Variants in NTM observed in about 807,000 individuals in gnomAD.
NTM encodes the protein IgLON family member 2.
NTM carries 13 observed loss-of-function variants against 42.1 expected under a neutral mutation model. The ratio of observed to expected loss-of-function variants is 0.31; its 90% CI spans 0.20 to 0.49. The LOEUF (loss-of-function observed/expected upper bound fraction) is 0.49. Ranked by LOEUF, NTM falls within the 20% of genes least tolerant of loss-of-function variation. The pLI is 0.99. For missense variants in NTM, 373 were observed against 452.8 expected (o/e 0.82, Z 1.60); for synonymous variants, 187 against 179.2 (o/e 1.04, Z -0.35).
chr11:131,611,508 G>T (rs1231959118), intron 1 of NTM, among the ~76,000 whole-genome samples: 1 of 152,176 alleles, frequency 6.6e-6, no homozygotes, highest in African/African-American at 2.4e-5. Context: ...ATTGCTCTGG[G>T]ACTGAGAGAA....
chr11:132,077,759 A>G (rs187406251), intron 2 of NTM, among the ~76,000 whole-genome samples: 1 of 152,284 alleles, frequency 6.6e-6, no homozygotes, highest in Non-Finnish European at 1.5e-5. Context: ...CAAACAAGCA[A>G]CAAGAACAAA....
At position 131,509,280 on chromosome 11, in the gene NTM, T is replaced by G. The variant is rs417906; in HGVS notation, c.82+138392T>G. 2.0e-5 allele frequency among the ~76,000 whole-genome samples: 3 copies of G among 151,910 alleles called. No homozygotes were observed. The Middle Eastern group carries it at 0.01, about 517-fold the overall frequency. The stretch of plus-strand genomic sequence containing the variant: ...GGCTAGAGGTTTCCCCAAAGACCAC[T>G]TGGTTTTGGTGCCACTCTGCATGGG... On this transcript the variant is annotated intron_variant, in intron 1 of 8. Transcript: ENST00000683400.
intron 1 of NTM, among the ~76,000 whole-genome samples, chr11:131,728,949 A>G (rs943576588): frequency 8.5e-5 from 13 of 152,208 alleles, no homozygotes; most frequent in Non-Finnish European, 1.8e-4. Context: ...ACAGGGTTGA[A>G]GACCAAATAT....
chr11:132,312,015 C>T (rs1211066292), intron 6 of NTM, among the ~76,000 whole-genome samples: 3 of 152,120 alleles, frequency 2.0e-5, no homozygotes, highest in Non-Finnish European at 4.4e-5. Context: ...CCTTTTCTCC[C>T]CTTTCCATTT....
intron 1 of NTM, among the ~76,000 whole-genome samples, chr11:131,754,440 C>A (rs1158043920): frequency 2.0e-5 from 3 of 152,088 alleles, no homozygotes; most frequent in Non-Finnish European, 4.4e-5. Context: ...GCCTGGCCAA[C>A]ATGGCGAAAC....
chr11:131,640,106 A>C (rs1372172453), intron 1 of NTM, among the ~76,000 whole-genome samples: 1 of 152,178 alleles, frequency 6.6e-6, no homozygotes, highest in Non-Finnish European at 1.5e-5. Flanking sequence ...TCCAATTCTG[A>C]GAACGTCTTT....
chr11:131,918,239 T>C (rs1487003017), intron 2 of NTM, among the ~76,000 whole-genome samples: 1 of 152,166 alleles, frequency 6.6e-6, no homozygotes, highest in Non-Finnish European at 1.5e-5. Flanking sequence ...CTATGCATGC[T>C]GAAGGAAAGG....
At chr11:131,582,653 T>C (rs1382546023) in intron 1 of NTM, among the ~76,000 whole-genome samples, 6 of 152,178 alleles carry the variant, frequency 3.9e-5, no homozygotes, top group Non-Finnish European at 7.3e-5. Context: ...AATGGATGCC[T>C]TCAAAACACT....
intron 1 of NTM, among the ~76,000 whole-genome samples, chr11:131,631,061 T>G (rs571162781): frequency 6.6e-6 from 1 of 152,264 alleles, no homozygotes; most frequent in Non-Finnish European, 1.5e-5. Flanking sequence ...ATCAAATAAC[T>G]GAGGAAGTAC....
chr11:131,839,217 C>T (rs1036030081), intron 1 of NTM, among the ~76,000 whole-genome samples: 1 of 152,118 alleles, frequency 6.6e-6, no homozygotes, highest in Non-Finnish European at 1.5e-5. Flanking sequence ...CCGCCTCGGC[C>T]TCCCAAAGTG....
At chr11:132,315,823 G>A (rs186224500) in intron 7 of NTM, among the ~76,000 whole-genome samples, 19 of 152,222 alleles carry the variant, frequency 1.2e-4, no homozygotes, top group South Asian at 4.2e-4. Flanking sequence ...GGAGAAAGCC[G>A]CCCTTGATCC....
At chr11:132,023,069 A>C (rs1266895987) in intron 2 of NTM, among the ~76,000 whole-genome samples, 1 of 152,212 alleles carries the variant, frequency 6.6e-6, no homozygotes, top group African/African-American at 2.4e-5. Context: ...AGAGAATACA[A>C]GGAGGACCTG....
intron 1 of NTM, among the ~76,000 whole-genome samples, chr11:131,685,239 C>G (rs990961388): frequency 6.6e-6 from 1 of 151,172 alleles, no homozygotes; most frequent in Non-Finnish European, 1.5e-5. Flanking sequence ...ACTGCCCAAC[C>G]CCAGTCAGTC....
At chr11:131,662,952 G>A (rs1462015976) in intron 1 of NTM, among the ~76,000 whole-genome samples, 1 of 152,088 alleles carries the variant, frequency 6.6e-6, no homozygotes, top group Non-Finnish European at 1.5e-5. Flanking sequence ...AAGTACATGG[G>A]ATATATTTGA....
At chr11:131,424,417 G>A (rs1947840845) in intron 1 of NTM, among the ~76,000 whole-genome samples, 6 of 151,776 alleles carry the variant, frequency 4.0e-5, no homozygotes, top group South Asian at 4.2e-4. Context: ...AGGGATGTAC[G>A]AACCACTTAG....
chr11:132,151,324 C>G (rs770438882), intron 3 of NTM, among the ~76,000 whole-genome samples: 1 of 152,178 alleles, frequency 6.6e-6, no homozygotes, highest in Non-Finnish European at 1.5e-5. Flanking sequence ...GTCTGTGTTT[C>G]TAAGAACCCA....
At chr11:131,624,044 T>C (rs970981404) in intron 1 of NTM, among the ~76,000 whole-genome samples, 1 of 152,076 alleles carries the variant, frequency 6.6e-6, no homozygotes, top group Non-Finnish European at 1.5e-5. Flanking sequence ...TGTCAGGGGG[T>C]TTTTGCCCCA....
intron 1 of NTM, among the ~76,000 whole-genome samples, chr11:131,801,911 A>C (rs1339859570): frequency 2.6e-5 from 4 of 152,080 alleles, no homozygotes; most frequent in African/African-American, 9.7e-5. Flanking sequence ...ACCCACACAG[A>C]CCTGGTTACC....
chr11:131,671,697 C>A, intron 1 of NTM: 1 of 731,952 alleles, frequency 1.4e-6, no homozygotes, highest in Non-Finnish European at 1.7e-6. Context: ...AATTCACAGG[C>A]CACTGGAGAG....
Sources: gnomAD v4.1 joint callset for allele counts (sites outside exome capture counted in the v4.1 genomes callset) on GRCh38, gnomAD v4.1.1 for gene constraint, MANE v1.5 for transcripts, NCBI Gene and HGNC (gene_info 2026-07-23, HGNC 2026-07-21) for gene names.